Variants in INPP5A observed in about 807,000 individuals in gnomAD.
The protein encoded by INPP5A is inositol polyphosphate-5-phosphatase A, also known as 43 kDa inositol polyphosphate 5-phophatase.
In INPP5A, 14 loss-of-function variants were observed where a neutral mutation model predicts 65.2. The ratio of observed to expected loss-of-function variants is 0.21; its 90% CI spans 0.14 to 0.34. The LOEUF is 0.34. Ranked by LOEUF, INPP5A falls within the 10% of genes least tolerant of loss-of-function variation. The probability of loss-of-function intolerance (pLI) is 1.00; values close to 1 mark genes in which losing one functional copy is unlikely to be tolerated. For synonymous variants in INPP5A, 207 were observed against 208.3 expected (o/e 0.99, Z 0.05); for missense variants, 431 against 545.6 (o/e 0.79, Z 2.09).
intron 1 of INPP5A, among the ~76,000 whole-genome samples, chr10:132,559,421 G>T (rs1398343571): frequency 1.3e-5 from 2 of 152,208 alleles, no homozygotes; most frequent in East Asian, 1.9e-4. Context: ...TGTTCACAAG[G>T]TCGTGTGACC....
intron 1 of INPP5A, among the ~76,000 whole-genome samples, chr10:132,583,588 TTCCTTGTATTTCATACTCTGC>T (rs2071512428): frequency 6.6e-6 from 1 of 152,188 alleles, no homozygotes; most frequent in African/African-American, 2.4e-5. Context: ...GGGAGGAGGT[TTCCTTGTATTTCATACTCTGC>T]TGAGCGTTTT....
intron 4 of INPP5A, among the ~76,000 whole-genome samples, chr10:132,688,782 G>A (rs1033377249): frequency 8.6e-5 from 13 of 150,654 alleles, no homozygotes; most frequent in African/African-American, 3.2e-4. Context: ...ATGAGTTCGT[G>A]TGTGAGCAAG....
rs530403403 is a variant in INPP5A, at chr10:132,579,768, C to G, written c.76-28147C>G. On this transcript the variant is annotated intron_variant, in intron 1 of 15. Coordinates refer to ENST00000368594, the MANE Select transcript of INPP5A (RefSeq NM_005539.5). ...TTGATGGGGTGAAGGAGAGGAGAAG[C>G]CCGGAAGATTGAGCAGGTTTTTAAT... 1.5e-3 allele frequency among the ~76,000 whole-genome samples: 233 copies of G among 152,042 alleles called. 2 individuals are homozygous for G. The highest frequency in any genetic ancestry group is 7.1e-3 in the South Asian group (34 of 4,790).
intron 9 of INPP5A, among the ~76,000 whole-genome samples, chr10:132,729,995 C>T (rs1846054097): frequency 6.6e-6 from 1 of 152,238 alleles, no homozygotes; most frequent in South Asian, 2.1e-4. Context: ...GAGCCGCCCA[C>T]ACCACCATAA....
intron 1 of INPP5A, among the ~76,000 whole-genome samples, chr10:132,544,547 G>A (rs569476255): frequency 2.6e-5 from 4 of 152,204 alleles, no homozygotes; most frequent in South Asian, 4.2e-4. Context: ...TCTGTCTGCC[G>A]GGCAGGGAGG....
intron 1 of INPP5A, among the ~76,000 whole-genome samples, chr10:132,565,899 T>C (rs1384152314): frequency 6.6e-6 from 1 of 152,090 alleles, no homozygotes; most frequent in Non-Finnish European, 1.5e-5. Context: ...TCTCTTTGAA[T>C]TGGAGGCTTG....
chr10:132,770,947 A>G (rs910050434), intron 12 of INPP5A, among the ~76,000 whole-genome samples: 3 of 152,124 alleles, frequency 2.0e-5, no homozygotes, highest in African/African-American at 7.2e-5. Context: ...TCTGGGAGGA[A>G]TACGTTTTCC....
intron 11 of INPP5A, among the ~76,000 whole-genome samples, chr10:132,758,865 G>A (rs898055656): frequency 1.3e-5 from 2 of 152,190 alleles, no homozygotes; most frequent in Admixed American, 6.5e-5. Context: ...CACGGTGTCC[G>A]GCGGCCCTGT....
chr10:132,650,599 G>A lies in INPP5A; in HGVS notation c.306+94G>A. On this transcript the variant is annotated intron_variant, in intron 4 of 15. Coordinates refer to ENST00000368594, the MANE Select transcript of INPP5A (RefSeq NM_005539.5). This position sits in a 1 kb window ranked among gnomAD's most constrained non-coding sequence, Gnocchi z 5.5. ...TGTGTAAATGGAGAGAGGTCGGGGTGCTCCCTGCCTGAAGCCTCACTCACG... is the reference window on the plus strand; with the variant it reads ...TGTGTAAATGGAGAGAGGTCGGGGTACTCCCTGCCTGAAGCCTCACTCACG... The A allele has an allele frequency of 1.1e-6, 1 of 877,778 alleles. No individual in the cohort carries two copies. Among genetic ancestry groups the A allele is most frequent in the Non-Finnish European group, 1.9e-6 (1 of 534,202 alleles). 54.4% of individuals were successfully genotyped at this position (877,778 alleles called of 1,614,324 possible). A position where few individuals can be genotyped will look rare whatever the true frequency, so the allele number is the denominator to read the frequency against.
At chr10:132,654,256 C>T (rs952560976) in intron 4 of INPP5A, among the ~76,000 whole-genome samples, 15 of 152,266 alleles carry the variant, frequency 9.9e-5, no homozygotes, top group African/African-American at 3.4e-4. Flanking sequence ...GCTTCCCTGC[C>T]TGGGCACGGA....
At chr10:132,585,554 T>A (rs1285090702) in intron 1 of INPP5A, among the ~76,000 whole-genome samples, 1 of 152,122 alleles carries the variant, frequency 6.6e-6, no homozygotes, top group Non-Finnish European at 1.5e-5. Context: ...AGGCGTCCAC[T>A]GGGGGGGTCT....
chr10:132,591,552 A>T (rs186394655), intron 1 of INPP5A, among the ~76,000 whole-genome samples: 1 of 152,348 alleles, frequency 6.6e-6, no homozygotes, highest in East Asian at 1.9e-4. Flanking sequence ...CACATATGCA[A>T]AAGGTCGTTT....
intron 9 of INPP5A, among the ~76,000 whole-genome samples, chr10:132,742,404 G>A (rs1429780318): frequency 6.6e-6 from 1 of 152,206 alleles, no homozygotes; most frequent in Non-Finnish European, 1.5e-5. Flanking sequence ...GCTTTGTCCT[G>A]AGCAGAGAGG....
chr10:132,628,839 T>G (rs956845829), intron 2 of INPP5A, among the ~76,000 whole-genome samples: 1 of 152,220 alleles, frequency 6.6e-6, no homozygotes, highest in Non-Finnish European at 1.5e-5. Flanking sequence ...CATTTCAAAG[T>G]TTGAAGAGTC....
At chr10:132,718,818 C>T (rs375570733) in intron 8 of INPP5A, among the ~76,000 whole-genome samples, 8 of 137,738 alleles carry the variant, frequency 5.8e-5, no homozygotes, top group African/African-American at 1.4e-4. Context: ...AGCTGTCTTG[C>T]GGGTTCTGTG....
At chr10:132,772,954 G>A (rs112840467) in intron 12 of INPP5A, among the ~76,000 whole-genome samples, 2 of 152,306 alleles carry the variant, frequency 1.3e-5, no homozygotes, top group East Asian at 1.9e-4. Flanking sequence ...CACCTGCAGC[G>A]AGCCGCCGCT....
At chr10:132,647,359 CT>C (rs1270381482) in intron 3 of INPP5A, among the ~76,000 whole-genome samples, 2 of 152,136 alleles carry the variant, frequency 1.3e-5, no homozygotes, top group Non-Finnish European at 2.9e-5. Flanking sequence ...ACCTTGTGAT[CT>C]GCCTGCCTTG....
At chr10:132,624,814 A>ACCCCC in intron 2 of INPP5A, among the ~76,000 whole-genome samples, 1 of 117,670 alleles carries the variant, frequency 8.5e-6, no homozygotes, top group Non-Finnish European at 1.8e-5. Flanking sequence ...TCCACACCCC[A>ACCCCC]CCCCCGCCCT....
intron 4 of INPP5A, among the ~76,000 whole-genome samples, chr10:132,660,401 C>T (rs1045716475): frequency 2.6e-5 from 4 of 152,118 alleles, no homozygotes; most frequent in African/African-American, 9.7e-5. Flanking sequence ...GTGTGCCTTG[C>T]AGAACTCGTG....
Sources: gnomAD v4.1 joint callset for allele counts (sites outside exome capture counted in the v4.1 genomes callset) on GRCh38, gnomAD v4.1.1 for gene constraint, Gnocchi (gnomAD v3.1) non-coding constraint, MANE v1.5 for transcripts, NCBI Gene and HGNC (gene_info 2026-07-23, HGNC 2026-07-21) for gene names.